Variants in ASCC3 observed in about 807,000 individuals in gnomAD.
ASCC3 encodes activating signal cointegrator 1 complex subunit 3.
In ASCC3, 158 loss-of-function variants were observed where a neutral mutation model predicts 256.3. That is an observed-to-expected ratio of 0.62 (90% CI 0.54 to 0.70). The LOEUF (loss-of-function observed/expected upper bound fraction) is 0.70. Ranked by LOEUF, ASCC3 falls within the 30% of genes least tolerant of loss-of-function variation. The pLI is 0.00. For synonymous variants in ASCC3, 948 were observed against 883.4 expected, an observed-to-expected ratio of 1.07 and a Z score of -1.30; for missense variants, 2,259 against 2,626.0, an observed-to-expected ratio of 0.86 and a Z score of 3.05.
At chr6:100,520,444 T>C (rs1774247583) in intron 37 of ASCC3, among the ~76,000 whole-genome samples, 2 of 152,024 alleles carry the variant, frequency 1.3e-5, no homozygotes, top group African/African-American at 2.4e-5. Context: ...CTTTTTTTTT[T>C]TTCTTTTTTT....
chr6:100,736,029 G>A (rs987820307), intron 10 of ASCC3, among the ~76,000 whole-genome samples: 28 of 152,266 alleles, frequency 1.8e-4, no homozygotes, highest in Admixed American at 1.8e-3. Flanking sequence ...GGGAGGAACA[G>A]TAACTCTCTT....
At chr6:100,777,788 G>A (rs1782260316) in intron 8 of ASCC3, among the ~76,000 whole-genome samples, 1 of 152,038 alleles carries the variant, frequency 6.6e-6, no homozygotes, top group Non-Finnish European at 1.5e-5. Context: ...CACATGAGAT[G>A]GGAAAGAAAG....
At chr6:100,538,831 A>C (rs1775294588) in intron 37 of ASCC3, among the ~76,000 whole-genome samples, 1 of 152,064 alleles carries the variant, frequency 6.6e-6, no homozygotes, top group Non-Finnish European at 1.5e-5. Context: ...AAGAACTTAA[A>C]TCTTTTGAAA....
intron 13 of ASCC3, among the ~76,000 whole-genome samples, chr6:100,697,230 G>A (rs1582714194): frequency 6.6e-6 from 1 of 151,768 alleles, no homozygotes; most frequent in East Asian, 1.9e-4. Flanking sequence ...AAATTACAAA[G>A]TGCTATGGTA....
intron 11 of ASCC3, among the ~76,000 whole-genome samples, chr6:100,720,022 C>T (rs1009212324): frequency 1.3e-5 from 2 of 151,882 alleles, no homozygotes; most frequent in African/African-American, 2.4e-5. Flanking sequence ...CTTCCAATAG[C>T]TTTGGAAGGC....
Position 100,767,319 on chromosome 6 carries a change from C to T in ASCC3, c.1422G>A (p.Met474Ile), listed in dbSNP as rs749467003. ...TTGACTGGATTCTATTGAGTCTCTTCATTCCTTTAAAAGCCAGCTGTCCGA... is the reference window on the plus strand; with the variant it reads ...TTGACTGGATTCTATTGAGTCTCTTTATTCCTTTAAAAGCCAGCTGTCCGA... ...DEIGQLAFKGMKRLNRIQSIV... is the reference protein window; with the variant it reads ...DEIGQLAFKGIKRLNRIQSIV... Residue 474 changes from methionine (M) to isoleucine (I), a missense_variant, in exon 9 of 42, where the codon ATG becomes ATA. Met to Ile is a conservative substitution (Grantham distance 10). This residue lies in a region of ASCC3 where 1,839 missense variants were observed against 2,206.7 expected (regional missense o/e 0.83). Coordinates refer to ENST00000369162, the MANE Select transcript of ASCC3 (RefSeq NM_006828.4). The T allele has an allele frequency of 5.6e-6, 9 of 1,602,796 alleles. No homozygotes were observed. Among genetic ancestry groups the T allele is most frequent in the South Asian group, 1.1e-5 (1 of 90,336 alleles).
chr6:100,679,471 T>C, intron 14 of ASCC3, 147 bp downstream of exon 14: 1 of 1,098,116 alleles, frequency 9.1e-7, no homozygotes, highest in Non-Finnish European at 1.3e-6. Flanking sequence ...TAAAAGATCA[T>C]TAAGTCAAGA....
At chr6:100,747,519 G>T (rs1780739124) in intron 10 of ASCC3, among the ~76,000 whole-genome samples, 1 of 152,004 alleles carries the variant, frequency 6.6e-6, no homozygotes, top group Admixed American at 6.6e-5. Flanking sequence ...ACAATCCATG[G>T]TATAACCAAG....
At chr6:100,708,745 A>G (rs1405527931) in intron 13 of ASCC3, among the ~76,000 whole-genome samples, 1 of 152,154 alleles carries the variant, frequency 6.6e-6, no homozygotes, top group African/African-American at 2.4e-5. Context: ...ATACATATCA[A>G]CTGGCTAGGA....
chr6:100,853,673 G>A (rs1772802333), intron 3 of ASCC3, among the ~76,000 whole-genome samples: 1 of 152,106 alleles, frequency 6.6e-6, no homozygotes, highest in African/African-American at 2.4e-5. Flanking sequence ...ATGTGGCCCA[G>A]GCTGGTCTCA....
At chr6:100,806,359 A>G (rs1056955886) in intron 4 of ASCC3, among the ~76,000 whole-genome samples, 5 of 152,116 alleles carry the variant, frequency 3.3e-5, no homozygotes, top group Admixed American at 2.0e-4. Context: ...ATGCTAAATA[A>G]GTCTGAAATC....
At chr6:100,572,532 G>A (rs1009857392) in intron 36 of ASCC3, among the ~76,000 whole-genome samples, 2 of 152,114 alleles carry the variant, frequency 1.3e-5, no homozygotes, top group Non-Finnish European at 2.9e-5. Flanking sequence ...AGGGCATAGG[G>A]AAATACTGCC....
intron 10 of ASCC3, among the ~76,000 whole-genome samples, chr6:100,740,085 C>A (rs1319503914): frequency 6.6e-6 from 1 of 152,168 alleles, no homozygotes; most frequent in East Asian, 1.9e-4. Flanking sequence ...ATAAATTTCC[C>A]TCTTAATACT....
At chr6:100,794,353 G>A (rs1769495186) in intron 8 of ASCC3, among the ~76,000 whole-genome samples, 1 of 152,032 alleles carries the variant, frequency 6.6e-6, no homozygotes, top group Non-Finnish European at 1.5e-5. Flanking sequence ...TAATAAGACT[G>A]AAGTGCTTGA....
chr6:100,569,983 A>G (rs1428947633), intron 36 of ASCC3, among the ~76,000 whole-genome samples: 1 of 152,038 alleles, frequency 6.6e-6, no homozygotes, highest in African/African-American at 2.4e-5. Context: ...AGTTCTCCTC[A>G]TAGAGTTCTT....
intron 13 of ASCC3, among the ~76,000 whole-genome samples, chr6:100,684,465 A>G (rs1777461280): frequency 6.6e-6 from 1 of 152,202 alleles, no homozygotes; most frequent in African/African-American, 2.4e-5. Flanking sequence ...TGCATTTCTA[A>G]GGAGTTCAAA....
intron 37 of ASCC3, among the ~76,000 whole-genome samples, chr6:100,521,804 T>C (rs1302009979): frequency 4.6e-5 from 7 of 152,222 alleles, no homozygotes; most frequent in Non-Finnish European, 8.8e-5. Flanking sequence ...GGCAAATGGA[T>C]TGGAGAGTCC....
intron 14 of ASCC3, among the ~76,000 whole-genome samples, chr6:100,674,011 T>C (rs1403335838): frequency 6.6e-6 from 1 of 152,188 alleles, no homozygotes; most frequent in Non-Finnish European, 1.5e-5. Flanking sequence ...TGCTTCTCTT[T>C]TACATTTCCT....
chr6:100,516,242 C>T lies in ASCC3; in HGVS notation c.6013G>A (p.Gly2005Arg), dbSNP rs1774020804. Residue 2005 changes from glycine to arginine, a missense_variant, in exon 39 of 42, where the codon GGG becomes AGG. Around this residue, in one of 2 missense-constraint regions of ASCC3, gnomAD observed 1,839 missense variants for 2,206.7 expected, o/e 0.83. Transcript: ENST00000369162. ...SLPELIHACG[G>R]KDHVFSSMVE... ...ATGGAGCTAAATACATGGTCTTTCC[C>T]TCCACAGGCATGGATCAGTTCAGGA... 3.7e-6 allele frequency: 6 copies of T among 1,613,644 alleles called. No homozygotes were observed. The highest frequency in any genetic ancestry group is 4.2e-6 in the Non-Finnish European group (5 of 1,179,760).
Sources: gnomAD v4.1 joint callset for allele counts (sites outside exome capture counted in the v4.1 genomes callset) on GRCh38, gnomAD v4.1.1 for gene constraint, gnomAD v4.1.1 regional missense constraint, MANE v1.5 for transcripts, NCBI Gene and HGNC (gene_info 2026-07-23, HGNC 2026-07-21) for gene names.